CFAP210: variants seen among roughly 807,000 people sequenced by gnomAD.
The protein encoded by CFAP210 is cilia and flagella associated protein 210.
the CFAP210 span, among the ~76,000 whole-genome samples, chr2:169,659,585 A>G: frequency 6.6e-6 from 1 of 152,206 alleles, no homozygotes; most frequent in Admixed American, 6.5e-5. Flanking sequence ...ACCCCCGATG[A>G]TCTAATCACT....
At chr2:169,670,787 A>G in the CFAP210 span, among the ~76,000 whole-genome samples, 1 of 152,192 alleles carries the variant, frequency 6.6e-6, no homozygotes, top group East Asian at 1.9e-4. Flanking sequence ...CATTGCCTTT[A>G]GTATCCTAAG....
the CFAP210 span, among the ~76,000 whole-genome samples, chr2:169,682,682 T>G: frequency 5.1e-3 from 775 of 152,262 alleles, 2 homozygotes; most frequent in Non-Finnish European, 7.9e-3. Context: ...GGAAGGAAAT[T>G]CACCAAAATA....
the CFAP210 span, among the ~76,000 whole-genome samples, chr2:169,647,192 CAA>C: frequency 6.6e-6 from 1 of 151,146 alleles, no homozygotes; most frequent in Non-Finnish European, 1.5e-5. Context: ...GAGAAAAAGT[CAA>C]AAAAAAGCTA....
chr2:169,691,044 T>G, the CFAP210 span, among the ~76,000 whole-genome samples: 23 of 152,338 alleles, frequency 1.5e-4, no homozygotes, highest in Admixed American at 1.3e-3. Flanking sequence ...TTGGCATATT[T>G]GCTGGTGCCC....
the CFAP210 span, among the ~76,000 whole-genome samples, chr2:169,670,805 G>A: frequency 6.6e-6 from 1 of 152,170 alleles, no homozygotes; most frequent in African/African-American, 2.4e-5. Context: ...AAGCTTAGAT[G>A]TCACACACCA....
At chr2:169,669,801 G>A in the CFAP210 span, among the ~76,000 whole-genome samples, 2 of 151,414 alleles carry the variant, frequency 1.3e-5, no homozygotes, top group Admixed American at 1.3e-4. Flanking sequence ...AAATGCCGCT[G>A]GAAACGCTGG....
the CFAP210 span, among the ~76,000 whole-genome samples, chr2:169,652,970 A>C: frequency 8.6e-6 from 1 of 115,994 alleles, no homozygotes; most frequent in Non-Finnish European, 1.7e-5. Flanking sequence ...ACTGCACTCC[A>C]GCCTGGGCGA....
the CFAP210 span, among the ~76,000 whole-genome samples, chr2:169,693,364 C>T: frequency 6.6e-6 from 1 of 152,216 alleles, no homozygotes; most frequent in Non-Finnish European, 1.5e-5. Flanking sequence ...ACTAATTGTG[C>T]TTTTCCAAAA....
At chr2:169,653,029 A>T in the CFAP210 span, among the ~76,000 whole-genome samples, 20 of 39,948 alleles carry the variant, frequency 5.0e-4, no homozygotes, top group South Asian at 1.3e-3. Context: ...AAAAAAAAAA[A>T]ATATATATAT....
the CFAP210 span, among the ~76,000 whole-genome samples, chr2:169,653,032 ATATATATATATATATATATATATAT>A: frequency 5.7e-5 from 1 of 17,514 alleles, no homozygotes; most frequent in Admixed American, 1.1e-3. Flanking sequence ...AAAAAAAAAT[ATATATATATATATATATATATATAT>A]ATATATATAT....
At chr2:169,654,206 C>T in the CFAP210 span, 4 of 1,577,164 alleles carry the variant, frequency 2.5e-6, no homozygotes, top group South Asian at 4.7e-5. Flanking sequence ...GTTTATCCTG[C>T]ATATGTTCCT....
At chr2:169,683,731 G>A in the CFAP210 span, among the ~76,000 whole-genome samples, 1 of 152,158 alleles carries the variant, frequency 6.6e-6, no homozygotes, top group Non-Finnish European at 1.5e-5. Flanking sequence ...GATCCCTCCT[G>A]TTTGACATCT....
chr2:169,691,723 G>A, the CFAP210 span, among the ~76,000 whole-genome samples: 4 of 152,252 alleles, frequency 2.6e-5, no homozygotes, highest in East Asian at 5.8e-4. Flanking sequence ...ATTAAAAACT[G>A]TACATATATG....
chr2:169,650,269 C>G, the CFAP210 span: 6 of 1,383,034 alleles, frequency 4.3e-6, no homozygotes, highest in Non-Finnish European at 5.6e-6. Flanking sequence ...AGATGGAAAA[C>G]ACAGTGGAAA....
chr2:169,658,664 C>CA, the CFAP210 span: 1 of 191,478 alleles, frequency 5.2e-6, no homozygotes, highest in Admixed American at 5.9e-5. Context: ...ACTGTATTCT[C>CA]AGTCAGTGCA....
the CFAP210 span, among the ~76,000 whole-genome samples, chr2:169,689,010 T>C: frequency 6.6e-6 from 1 of 152,184 alleles, no homozygotes; most frequent in South Asian, 2.1e-4. Context: ...CTCAGAATCA[T>C]GGCAGGAGTT....
At chr2:169,673,738 T>C in the CFAP210 span, among the ~76,000 whole-genome samples, 5 of 152,058 alleles carry the variant, frequency 3.3e-5, no homozygotes, top group Non-Finnish European at 5.9e-5. Flanking sequence ...GAACAGGAGA[T>C]AGAACTTAGA....
At chr2:169,662,394 A>G in the CFAP210 span, 1 of 1,601,708 alleles carries the variant, frequency 6.2e-7, no homozygotes, top group Non-Finnish European at 8.5e-7. Flanking sequence ...CTTTTTCTTC[A>G]TATTTTTTCC....
At chr2:169,654,109 G>A in the CFAP210 span, 1 of 1,609,806 alleles carries the variant, frequency 6.2e-7, no homozygotes. Context: ...TTCCCCATTT[G>A]TATAAGACGC....
Sources: gnomAD v4.1 joint callset for allele counts (sites outside exome capture counted in the v4.1 genomes callset) on GRCh38, gnomAD v4.1.1 for gene constraint, MANE v1.5 for transcripts, NCBI Gene and HGNC (gene_info 2026-07-23, HGNC 2026-07-21) for gene names.